The following MAPK10 variants were observed in gnomAD, a reference collection of about 807,000 sequenced individuals.
MAPK10 encodes the protein JNK3 alpha protein kinase.
A neutral mutation model predicts 59.3 loss-of-function variants in MAPK10; 25 were observed. The ratio of observed to expected loss-of-function variants is 0.42; its 90% CI spans 0.31 to 0.59. The LOEUF is 0.59. Ranked by LOEUF, MAPK10 falls within the 20% of genes least tolerant of loss-of-function variation. The pLI is 0.15. For missense variants in MAPK10, 351 were observed against 568.9 expected, an observed-to-expected ratio of 0.62 and a Z score of 3.90; for synonymous variants, 190 against 200.5, an observed-to-expected ratio of 0.95 and a Z score of 0.44.
chr4:86,186,889 T>C (rs939474407), intron 3 of MAPK10, among the ~76,000 whole-genome samples: 4 of 152,182 alleles, frequency 2.6e-5, no homozygotes, highest in African/African-American at 9.6e-5. Context: ...TCAACTCTTA[T>C]CTAGTCCATG....
intron 2 of MAPK10, among the ~76,000 whole-genome samples, chr4:86,240,854 G>A (rs1669516185): frequency 6.6e-6 from 1 of 151,958 alleles, no homozygotes; most frequent in African/African-American, 2.4e-5. Context: ...AGTTAGTATT[G>A]TTATATGTGA....
chr4:86,458,427 A>T (rs1751430964), intron 1 of MAPK10, among the ~76,000 whole-genome samples: 1 of 151,968 alleles, frequency 6.6e-6, no homozygotes, highest in East Asian at 1.9e-4. Flanking sequence ...ATGCCATTGC[A>T]CTCCAGCCTG....
chr4:86,437,311 T>G (rs1023587223), intron 1 of MAPK10, among the ~76,000 whole-genome samples: 3 of 152,120 alleles, frequency 2.0e-5, no homozygotes, highest in Non-Finnish European at 2.9e-5. Flanking sequence ...TGCTGAGTGG[T>G]TTTTTAAATC....
At chr4:86,141,486 A>C (rs1043727438) in intron 4 of MAPK10, among the ~76,000 whole-genome samples, 2 of 152,202 alleles carry the variant, frequency 1.3e-5, no homozygotes, top group Non-Finnish European at 2.9e-5. Context: ...AAGAAGTTTA[A>C]GACACCATTC....
chr4:86,068,027 T>G, intron 9 of MAPK10, 72 bp from the exon 10 acceptor site: 3 of 985,030 alleles, frequency 3.0e-6, no homozygotes, highest in Non-Finnish European at 4.5e-6. Flanking sequence ...AGACTAACTC[T>G]TCTCAAAGTC....
Position 86,017,047 on chromosome 4 carries a change from A to G in MAPK10, c.*181T>C. ...AAATATACATTTGAGCTTAGCTGCAATACAGAACCCTGGGGAAGAAGCAGG... is the reference window on the plus strand; with the variant it reads ...AAATATACATTTGAGCTTAGCTGCAGTACAGAACCCTGGGGAAGAAGCAGG... On this transcript the variant is annotated 3_prime_UTR_variant, in exon 14 of 14. Transcript: ENST00000641462. The surrounding 1 kb of genome is among the most constrained non-coding windows in gnomAD (Gnocchi z 4.4). The G allele has an allele frequency of 3.1e-6, 2 of 646,858 alleles. No individual in the cohort carries two copies. Among genetic ancestry groups the G allele is most frequent in the Non-Finnish European group, 2.6e-6 (1 of 388,550 alleles). The allele number at this position is 646,858 out of a possible 1,614,324, so 40.1% of individuals were successfully genotyped here.
chr4:86,224,015 A>G (rs1455456224), intron 2 of MAPK10, among the ~76,000 whole-genome samples: 1 of 152,184 alleles, frequency 6.6e-6, no homozygotes, highest in Non-Finnish European at 1.5e-5. Flanking sequence ...AGGGTGACTT[A>G]GACATACCCT....
intron 5 of MAPK10, among the ~76,000 whole-genome samples, chr4:86,105,645 AC>A (rs1362691969): frequency 1.3e-5 from 2 of 152,154 alleles, no homozygotes; most frequent in African/African-American, 4.8e-5. Context: ...CCTTGGTATA[AC>A]AGAATATATT....
At chr4:86,345,056 C>T (rs932942193) in intron 2 of MAPK10, among the ~76,000 whole-genome samples, 5 of 152,130 alleles carry the variant, frequency 3.3e-5, no homozygotes, top group Admixed American at 2.0e-4. Context: ...CTTCCTATAG[C>T]TAAAATATCT....
chr4:86,527,810 A>C (rs778007357), intron 1 of MAPK10, among the ~76,000 whole-genome samples: 13 of 152,218 alleles, frequency 8.5e-5, no homozygotes, highest in Admixed American at 3.9e-4. Flanking sequence ...ACCATGAAAT[A>C]CTATGCAGCA....
chr4:86,431,694 G>C (rs776336720), intron 1 of MAPK10, among the ~76,000 whole-genome samples: 2 of 152,188 alleles, frequency 1.3e-5, no homozygotes, highest in Non-Finnish European at 2.9e-5. Context: ...AGCACTTCAA[G>C]GGAGGAGTAA....
intron 2 of MAPK10, among the ~76,000 whole-genome samples, chr4:86,236,133 A>T: frequency 6.6e-6 from 1 of 152,104 alleles, no homozygotes; most frequent in East Asian, 1.9e-4. Context: ...TTTTGTCTTC[A>T]TGTCTCCTGT....
chr4:86,041,271 C>CT (rs1369396980), intron 11 of MAPK10, among the ~76,000 whole-genome samples: 1 of 152,162 alleles, frequency 6.6e-6, no homozygotes, highest in Admixed American at 6.5e-5. Context: ...GGAAAACTGC[C>CT]TAGCCATATG....
chr4:86,508,780 G>A (rs559401232), intron 1 of MAPK10, among the ~76,000 whole-genome samples: 84 of 152,208 alleles, frequency 5.5e-4, no homozygotes, highest in Non-Finnish European at 1.0e-3. Flanking sequence ...TAAACCACCA[G>A]TGTAAACTTC....
intron 1 of MAPK10, among the ~76,000 whole-genome samples, chr4:86,519,722 T>G (rs769647449): frequency 2.1e-4 from 32 of 152,182 alleles, no homozygotes; most frequent in South Asian, 4.1e-4. Context: ...GTGAGATTTA[T>G]GCTTTAAAGA....
rs116028993 is a variant in MAPK10, at chr4:86,219,344, C to T, written c.-6-24937G>A. Among the ~76,000 whole-genome samples, 837 of 152,264 alleles carry T rather than the reference C, an allele frequency of 5.5e-3. 8 individuals carry two copies. Among genetic ancestry groups the T allele is most frequent in the African/African-American group, 0.019 (803 of 41,538 alleles). ...GTCACAAGTACAAACACTCATTTCA[C>T]TTAGCAGCATAAAGATTTCTGTTTG... On this transcript the variant is annotated intron_variant, in intron 2 of 13. Coordinates refer to ENST00000641462, the MANE Select transcript of MAPK10 (RefSeq NM_138982.4).
At chr4:86,335,066 C>A (rs779087176) in intron 2 of MAPK10, 1 of 152,112 alleles carries the variant, frequency 6.6e-6, no homozygotes, top group Non-Finnish European at 1.5e-5. Context: ...CATTGCCTAT[C>A]AGAACTTACC....
intron 1 of MAPK10, among the ~76,000 whole-genome samples, chr4:86,569,188 A>G (rs184395142): frequency 1.3e-5 from 2 of 152,330 alleles, no homozygotes. Flanking sequence ...GCCAATAAAC[A>G]TATGAAAATA....
At chr4:86,323,078 G>A (rs2095937858) in intron 2 of MAPK10, among the ~76,000 whole-genome samples, 1 of 152,214 alleles carries the variant, frequency 6.6e-6, no homozygotes, top group African/African-American at 2.4e-5. Flanking sequence ...TGGGGCTGAG[G>A]CAGGAGAATC....
Sources: allele counts gnomAD v4.1 joint callset (sites outside exome capture counted in the v4.1 genomes callset), GRCh38; gene constraint gnomAD v4.1.1; non-coding constraint Gnocchi (gnomAD v3.1); transcripts MANE v1.5; gene names NCBI Gene and HGNC (gene_info 2026-07-23, HGNC 2026-07-21).